The following ST6GALNAC5 variants were observed in gnomAD, a reference collection of about 807,000 sequenced individuals.
ST6GALNAC5 encodes alpha-N-acetylgalactosaminide alpha-2,6-sialyltransferase 5.
A neutral mutation model predicts 33.6 loss-of-function variants in ST6GALNAC5; 27 were observed. That is an observed-to-expected ratio of 0.80 (90% CI 0.59 to 1.11). ST6GALNAC5 has a LOEUF of 1.11. ST6GALNAC5 is among the 50% of genes least tolerant of loss of function. The pLI, the probability that ST6GALNAC5 is intolerant of heterozygous loss-of-function variation, is 0.00. For missense variants in ST6GALNAC5, 428 were observed against 454.0 expected (o/e 0.94, Z 0.52); for synonymous variants, 194 against 171.2 (o/e 1.13, Z -1.04).
intron 2 of ST6GALNAC5, among the ~76,000 whole-genome samples, chr1:76,980,649 C>A (rs1649211900): frequency 6.6e-6 from 1 of 152,088 alleles, no homozygotes; most frequent in Non-Finnish European, 1.5e-5. Flanking sequence ...CAAATGCTAC[C>A]TGGACAACTG....
At chr1:77,026,012 A>G (rs934631630) in intron 2 of ST6GALNAC5, among the ~76,000 whole-genome samples, 1 of 152,204 alleles carries the variant, frequency 6.6e-6, no homozygotes, top group Non-Finnish European at 1.5e-5. Flanking sequence ...CAGCACCACA[A>G]AATGGAAGAG....
chr1:76,921,574 G>A (rs1352782368), intron 2 of ST6GALNAC5, among the ~76,000 whole-genome samples: 3 of 152,102 alleles, frequency 2.0e-5, no homozygotes, highest in Non-Finnish European at 4.4e-5. Context: ...ACTGTGAGCA[G>A]CTTTACATTC....
chr1:76,982,677 T>C (rs1461176191), intron 2 of ST6GALNAC5, among the ~76,000 whole-genome samples: 2 of 152,164 alleles, frequency 1.3e-5, no homozygotes, highest in Admixed American at 1.3e-4. Context: ...ACAAAGATAT[T>C]CCTTAAGAAG....
chr1:77,026,180 C>T (rs199690), intron 2 of ST6GALNAC5, among the ~76,000 whole-genome samples: 49,228 of 152,002 alleles, frequency 0.32, 9,135 homozygotes, highest in African/African-American at 0.5. Flanking sequence ...TTTGACCTGT[C>T]TGCTGCCATT....
intron 2 of ST6GALNAC5, among the ~76,000 whole-genome samples, chr1:77,033,940 C>T (rs578097433): frequency 2.0e-5 from 3 of 152,104 alleles, no homozygotes; most frequent in Admixed American, 6.5e-5. Context: ...CTGGCAGCTG[C>T]GCAGAGAATG....
chr1:77,015,851 C>T (rs1650811197), intron 2 of ST6GALNAC5, among the ~76,000 whole-genome samples: 1 of 151,894 alleles, frequency 6.6e-6, no homozygotes, highest in African/African-American at 2.4e-5. Flanking sequence ...AGGTTAGAGG[C>T]CAAAATACAA....
At chr1:77,039,230 G>T (rs1222588218) in intron 2 of ST6GALNAC5, among the ~76,000 whole-genome samples, 2 of 152,166 alleles carry the variant, frequency 1.3e-5, no homozygotes, top group African/African-American at 4.8e-5. Context: ...GCATTTTCCT[G>T]GGCATTTTTC....
intron 2 of ST6GALNAC5, among the ~76,000 whole-genome samples, chr1:77,018,184 T>C (rs559078274): frequency 6.6e-6 from 1 of 152,332 alleles, no homozygotes; most frequent in African/African-American, 2.4e-5. Context: ...AGGAGAGTTC[T>C]AGAAAGAGCC....
At chr1:76,869,790 A>T (rs1283772302) in intron 2 of ST6GALNAC5, among the ~76,000 whole-genome samples, 2 of 152,232 alleles carry the variant, frequency 1.3e-5, no homozygotes, top group Non-Finnish European at 2.9e-5. Context: ...AAAGGTATAA[A>T]AGAATTTAAG....
chr1:76,968,563 G>A (rs770552493), intron 2 of ST6GALNAC5, among the ~76,000 whole-genome samples: 83 of 152,240 alleles, frequency 5.5e-4, no homozygotes, highest in Non-Finnish European at 1.1e-3. Context: ...TTTAATTGGG[G>A]CATTTAGCCC....
intron 2 of ST6GALNAC5, among the ~76,000 whole-genome samples, chr1:76,972,270 T>G (rs1227706630): frequency 3.9e-5 from 6 of 152,116 alleles, no homozygotes; most frequent in Non-Finnish European, 7.4e-5. Flanking sequence ...TTCACTATCA[T>G]GAGAACAGCA....
chr1:76,886,855 C>A (rs1653907302), intron 2 of ST6GALNAC5, among the ~76,000 whole-genome samples: 1 of 152,256 alleles, frequency 6.6e-6, no homozygotes, highest in South Asian at 2.1e-4. Flanking sequence ...TTTTAAGGTT[C>A]ATCTGTGTTG....
chr1:77,039,173 C>T (rs1249990082), intron 2 of ST6GALNAC5, among the ~76,000 whole-genome samples: 1 of 152,220 alleles, frequency 6.6e-6, no homozygotes, highest in African/African-American at 2.4e-5. Context: ...TGGGCTGTAG[C>T]TCTGAGCATC....
intron 2 of ST6GALNAC5, among the ~76,000 whole-genome samples, chr1:76,968,776 G>C (rs2100361730): frequency 6.6e-6 from 1 of 152,280 alleles, no homozygotes; most frequent in African/African-American, 2.4e-5. Context: ...GGCAGGCCTG[G>C]TGGTGACAAA....
intron 2 of ST6GALNAC5, among the ~76,000 whole-genome samples, chr1:76,879,765 G>A (rs1485913538): frequency 1.3e-5 from 2 of 152,150 alleles, no homozygotes; most frequent in South Asian, 2.1e-4. Flanking sequence ...TGGGGAAGCT[G>A]TTCCTTCTGG....
chr1:76,948,240 C>A (rs1647599854), intron 2 of ST6GALNAC5, among the ~76,000 whole-genome samples: 1 of 152,138 alleles, frequency 6.6e-6, no homozygotes, highest in African/African-American at 2.4e-5. Flanking sequence ...GCCATGTGAT[C>A]CCAACCTAAG....
At chr1:77,032,096 G>A (rs1651478517) in intron 2 of ST6GALNAC5, among the ~76,000 whole-genome samples, 2 of 152,116 alleles carry the variant, frequency 1.3e-5, no homozygotes, top group Non-Finnish European at 2.9e-5. Flanking sequence ...AACTCTGCGA[G>A]GTCAGTATTA....
rs780666275 is a variant in ST6GALNAC5, at chr1:77,044,403, G to A, written c.461G>A (p.Arg154His). The change falls in exon 3 of 5, where the codon CGC (arginine) becomes CAC (histidine). Residue 154 changes from arginine to histidine, a missense_variant. Transcript: ENST00000477717. ...CATTCCAGCATCCAGAGGATCCTCC[G>A]CAACCGCCATGACCTGCTCAACGTG... ...IAHSSIQRIL[R>H]NRHDLLNVSQ... The A allele has an allele frequency of 6.8e-6, 11 of 1,612,850 alleles. No individual in the cohort carries two copies. The highest frequency in any genetic ancestry group is 1.6e-4 in the Middle Eastern group (1 of 6,080).
In ST6GALNAC5 at chr1:77,054,287, A is replaced by G. The variant is rs1652319831; in HGVS notation, c.779+3922A>G. On this transcript the variant is annotated intron_variant, in intron 4 of 4. Transcript: ENST00000477717. Reference sequence around the variant, plus strand: ...TTGGACCATCTGTCTCCAACTTTCAAACTGGACTCAGAGAAGTCCTTGCAT... The same window carrying G: ...TTGGACCATCTGTCTCCAACTTTCAGACTGGACTCAGAGAAGTCCTTGCAT... 6.6e-5 allele frequency among the ~76,000 whole-genome samples: 10 copies of G among 152,300 alleles called. No individual in the cohort carries two copies. In the South Asian group the frequency reaches 2.1e-3, roughly 32 times the overall value.
Sources: allele counts gnomAD v4.1 joint callset (sites outside exome capture counted in the v4.1 genomes callset), GRCh38; gene constraint gnomAD v4.1.1; transcripts MANE v1.5; gene names NCBI Gene and HGNC (gene_info 2026-07-23, HGNC 2026-07-21).